Variants in LRBA observed in about 807,000 individuals in gnomAD.
LRBA encodes the protein LPS responsive beige-like anchor protein, also known as lipopolysaccharide-responsive and beige-like anchor protein.
LRBA carries 176 observed loss-of-function variants against 330.0 expected under a neutral mutation model. The observed-to-expected ratio is 0.53, with a 90% CI of 0.47 to 0.60. LRBA has a LOEUF of 0.60. LRBA is among the 20% of genes least tolerant of loss of function. LRBA has a pLI of 0.00. For missense variants in LRBA, 3,259 were observed against 3,444.8 expected, an observed-to-expected ratio of 0.95 and a Z score of 1.35; for synonymous variants, 1,230 against 1,193.0, an observed-to-expected ratio of 1.03 and a Z score of -0.64.
At chr4:150,487,929 G>T (rs1272964296) in intron 41 of LRBA, 95 bp from the exon 42 acceptor site, 6 of 554,892 alleles carry the variant, frequency 1.1e-5, no homozygotes, top group South Asian at 2.8e-5. Flanking sequence ...TTTTAATTCA[G>T]GTATCTATTA....
intron 46 of LRBA, among the ~76,000 whole-genome samples, chr4:150,417,814 AAGC>A (rs1747997958): frequency 6.6e-6 from 1 of 152,174 alleles, no homozygotes; most frequent in Non-Finnish European, 1.5e-5. Context: ...CAATTTGAGG[AAGC>A]AGAATGGAAC....
intron 2 of LRBA, among the ~76,000 whole-genome samples, chr4:150,961,224 G>A (rs1303723603): frequency 6.7e-6 from 1 of 149,124 alleles, no homozygotes; most frequent in Non-Finnish European, 1.5e-5. Flanking sequence ...TGGGGGAGGA[G>A]GATAAACAGC....
At chr4:150,915,539 T>C in intron 8 of LRBA, 69 bp downstream of exon 8, 1 of 1,413,120 alleles carries the variant, frequency 7.1e-7, no homozygotes, top group Non-Finnish European at 9.6e-7. Context: ...GTTGTAAAAC[T>C]TTTTCTTGTT....
At chr4:150,538,385 C>G (rs1764912472) in intron 40 of LRBA, among the ~76,000 whole-genome samples, 1 of 152,106 alleles carries the variant, frequency 6.6e-6, no homozygotes, top group Admixed American at 6.6e-5. Context: ...AGGAATCAAC[C>G]TAGATGCCCA....
intron 40 of LRBA, among the ~76,000 whole-genome samples, chr4:150,537,730 C>G (rs867117843): frequency 6.6e-6 from 1 of 152,140 alleles, no homozygotes; most frequent in Non-Finnish European, 1.5e-5. Context: ...GCAGGTGGAT[C>G]ACTTGAGGTC....
At chr4:150,350,200 T>C in intron 47 of LRBA, 41 bp from the exon 48 acceptor site, 2 of 1,390,576 alleles carry the variant, frequency 1.4e-6, no homozygotes. Flanking sequence ...CTGAATTCCT[T>C]TTTAAAAATA....
intron 22 of LRBA, among the ~76,000 whole-genome samples, chr4:150,856,244 A>C (rs1450210642): frequency 6.6e-6 from 1 of 152,170 alleles, no homozygotes; most frequent in Non-Finnish European, 1.5e-5. Flanking sequence ...ACTCCTAATA[A>C]GAATACAGGT....
At chr4:150,739,370 A>T (rs572683693) in intron 35 of LRBA, among the ~76,000 whole-genome samples, 2 of 152,286 alleles carry the variant, frequency 1.3e-5, no homozygotes, top group Admixed American at 6.5e-5. Flanking sequence ...AAACAGGCAA[A>T]ATGCGGGGTC....
intron 40 of LRBA, among the ~76,000 whole-genome samples, chr4:150,513,949 T>C (rs1347535772): frequency 2.6e-5 from 4 of 152,222 alleles, no homozygotes; most frequent in Non-Finnish European, 5.9e-5. Context: ...ATGCTTACTC[T>C]GCTTGTGCTG....
chr4:150,663,723 G>C (rs763962317), intron 37 of LRBA, among the ~76,000 whole-genome samples: 9 of 152,054 alleles, frequency 5.9e-5, no homozygotes, highest in Non-Finnish European at 1.3e-4. Context: ...TACTCTACAA[G>C]TACTTTATAG....
intron 43 of LRBA, among the ~76,000 whole-genome samples, chr4:150,468,012 A>G (rs143482843): frequency 1.7e-3 from 260 of 152,158 alleles, no homozygotes; most frequent in African/African-American, 6.2e-3. Context: ...AACTTGCCCC[A>G]AATCACACAA....
chr4:150,386,700 C>T lies in LRBA; in HGVS notation c.7194+28738G>A, dbSNP rs111895881. 6.4e-3 allele frequency among the ~76,000 whole-genome samples: 980 copies of T among 152,186 alleles called. 11 individuals are homozygous for T. Among genetic ancestry groups the T allele is most frequent in the African/African-American group, 0.023 (934 of 41,510 alleles). On this transcript the variant is annotated intron_variant, in intron 47 of 56. Transcript: ENST00000651943. Reference sequence around the variant, plus strand: ...CATTTAGGTTGATTCCATGCCTTTGCTATTGTGAACAGTGCTGCAATGAAC... The same window carrying T: ...CATTTAGGTTGATTCCATGCCTTTGTTATTGTGAACAGTGCTGCAATGAAC...
rs138689740 is a variant in LRBA, at chr4:150,285,200, C to T, written c.8119+733G>A. ...ATACTCTGTTTCCCCACCAGATAAA[C>T]CCAAAAGATGTGAGATATAATACTT... On this transcript the variant is annotated intron_variant, in intron 54 of 56. Coordinates refer to ENST00000651943, the MANE Select transcript of LRBA (RefSeq NM_001364905.1). 7.3e-4 allele frequency among the ~76,000 whole-genome samples: 111 copies of T among 152,288 alleles called. No individual in the cohort carries two copies. The East Asian group carries it at 0.019, about 27-fold the overall frequency.
chr4:150,290,226 C>T (rs1052483614), intron 53 of LRBA, among the ~76,000 whole-genome samples: 2 of 152,154 alleles, frequency 1.3e-5, no homozygotes, highest in Admixed American at 6.5e-5. Flanking sequence ...TCAGCTCAAA[C>T]AAGATGATTC....
At chr4:150,699,636 T>G (rs980023160) in intron 36 of LRBA, among the ~76,000 whole-genome samples, 2 of 152,162 alleles carry the variant, frequency 1.3e-5, no homozygotes, top group Non-Finnish European at 2.9e-5. Flanking sequence ...TTCAGAGTAA[T>G]GGGTACATTA....
intron 47 of LRBA, among the ~76,000 whole-genome samples, chr4:150,380,006 A>T (rs1166344817): frequency 4.6e-5 from 2 of 43,482 alleles, no homozygotes; most frequent in African/African-American, 1.3e-4. Flanking sequence ...CTACTACTAA[A>T]AAAAAAAAAA....
At chr4:150,394,719 A>T (rs1192768706) in intron 47 of LRBA, among the ~76,000 whole-genome samples, 1 of 152,216 alleles carries the variant, frequency 6.6e-6, no homozygotes, top group African/African-American at 2.4e-5. Flanking sequence ...TACATGGCAC[A>T]GGCTTCACTT....
intron 33 of LRBA, among the ~76,000 whole-genome samples, chr4:150,799,396 A>G (rs1222851363): frequency 6.6e-6 from 1 of 151,956 alleles, no homozygotes; most frequent in Non-Finnish European, 1.5e-5. Flanking sequence ...GGCAAGCAAT[A>G]CTCCCTCTCT....
chr4:150,592,958 G>C (rs1172076243), intron 38 of LRBA, among the ~76,000 whole-genome samples: 2 of 151,778 alleles, frequency 1.3e-5, no homozygotes, highest in African/African-American at 4.8e-5. Flanking sequence ...AGGCTAAAAA[G>C]AAATATACTT....
Sources: allele counts gnomAD v4.1 joint callset (sites outside exome capture counted in the v4.1 genomes callset), GRCh38; gene constraint gnomAD v4.1.1; transcripts MANE v1.5; gene names NCBI Gene and HGNC (gene_info 2026-07-23, HGNC 2026-07-21).